Variants in CCNL2 observed in about 807,000 individuals in gnomAD.
CCNL2 encodes cyclin L2.
Under a neutral mutation model 59.1 loss-of-function variants are expected in CCNL2, and 28 were observed. The ratio of observed to expected loss-of-function variants is 0.47; its 90% confidence interval spans 0.35 to 0.65. The LOEUF is 0.65. Ranked by LOEUF, CCNL2 falls within the 30% of genes least tolerant of loss-of-function variation. The pLI is 0.00. For missense variants in CCNL2, 714 were observed against 717.4 expected (o/e 1.00, Z 0.05); for synonymous variants, 342 against 288.6 (o/e 1.19, Z -1.88).
chr1:1,388,134 G>A lies in CCNL2; in HGVS notation c.1007-69C>T, dbSNP rs1644560026. 79 of 1,245,076 alleles carry A rather than the reference G, an allele frequency of 6.3e-5. No homozygotes were observed. In the South Asian group the frequency reaches 9.2e-4, roughly 14 times the overall value. The allele number at this position is 1,245,076 out of a possible 1,614,324, so 77.1% of individuals were successfully genotyped here. A position where few individuals can be genotyped will look rare whatever the true frequency, so the allele number is the denominator to read the frequency against. On this transcript the variant is annotated intron_variant, in intron 8 of 10. Coordinates refer to ENST00000400809, the MANE Select transcript of CCNL2 (RefSeq NM_030937.6). ...TCCCAATAAGAAACAAGTTCGTAGA[G>A]CGAGATAAGGCCCCTCTACAGGTCA...
intron 3 of CCNL2, among the ~76,000 whole-genome samples, chr1:1,397,225 G>A (rs147631292): frequency 4.6e-5 from 7 of 152,234 alleles, no homozygotes; most frequent in Non-Finnish European, 5.9e-5. Flanking sequence ...TAAACCCTGG[G>A]CTAAGGTCAG....
chr1:1,397,725 A>G (rs1377705301), intron 3 of CCNL2, among the ~76,000 whole-genome samples: 2 of 152,174 alleles, frequency 1.3e-5, no homozygotes, highest in African/African-American at 4.8e-5. Context: ...ATTAGCTGGC[A>G]TGGTTGGCGT....
intron 5 of CCNL2, chr1:1,391,350 C>G (rs1644750935): frequency 7.7e-6 from 9 of 1,162,482 alleles, no homozygotes; most frequent in South Asian, 5.4e-5. Flanking sequence ...GACAAGCCAT[C>G]CTCTTGGGTT....
In CCNL2 at chr1:1,398,324, C is replaced by T. The variant is rs200639469; in HGVS notation, c.382G>A (p.Val128Ile). The T allele has an allele frequency of 6.2e-7, 1 of 1,614,192 alleles. No individual in the cohort carries two copies. Among genetic ancestry groups the T allele is most frequent in the East Asian group, 2.2e-5 (1 of 44,894 alleles). Residue 128 changes from valine (V) to isoleucine (I), a missense_variant, in exon 3 of 11, where the codon GTC becomes ATC. Val to Ile is a conservative substitution (Grantham distance 29). This residue lies in a region of CCNL2 where 270 missense variants were observed against 254.9 expected (regional missense o/e 1.06). Transcript: ENST00000400809. ...TCTTCTATCTTGGAAGCCAGGTGGA[C>T]ACAGGCCATTGACACATGCTGAAGC... ...HSMEHVSMACVHLASKIEEAP... is the reference protein window; with the variant it reads ...HSMEHVSMACIHLASKIEEAP...
chr1:1,391,217 T>C, intron 5 of CCNL2: 1 of 1,106,678 alleles, frequency 9.0e-7, no homozygotes, highest in Non-Finnish European at 1.1e-6. Flanking sequence ...AGAAAGAAAA[T>C]GTCTACTGGA....
In CCNL2 at chr1:1,387,192, A is replaced by C; in HGVS notation, c.*39T>G. The stretch of plus-strand genomic sequence containing the variant: ...AAAGGGCAGCCATCAGGTACTCCCC[A>C]GGGAAGGGCTTGCGGCCACCAGTCA... On this transcript the variant is annotated 3_prime_UTR_variant, in exon 11 of 11. Coordinates refer to ENST00000400809, the MANE Select transcript of CCNL2 (RefSeq NM_030937.6). The C allele has an allele frequency of 6.5e-7, 1 of 1,548,058 alleles. No homozygotes were observed. Among genetic ancestry groups the C allele is most frequent in the Non-Finnish European group, 8.8e-7 (1 of 1,140,508 alleles).
chr1:1,398,973 C>T (rs748358876), intron 1 of CCNL2, 46 bp downstream of exon 1: 1 of 1,530,776 alleles, frequency 6.5e-7, no homozygotes, highest in Middle Eastern at 2.1e-4. Context: ...AGGCGGCTGC[C>T]GCCCCAGCGG....
At chr1:1,393,112 T>C (rs1644837221) in intron 5 of CCNL2, 3 of 584,302 alleles carry the variant, frequency 5.1e-6, no homozygotes, top group Admixed American at 3.1e-5. Flanking sequence ...AAGGTCCCCC[T>C]GCGCCAAGTC....
chr1:1,387,436 T>C lies in CCNL2; in HGVS notation c.1358A>G (p.Lys453Arg), dbSNP rs146203556. Residue 453 changes from lysine to arginine, a missense_variant, in exon 11 of 11, where the codon AAG becomes AGG. Physicochemically the swap from Lys to Arg is conservative, Grantham distance 26. Around this residue, in one of 5 missense-constraint regions of CCNL2, gnomAD observed 403 missense variants for 377.7 expected, o/e 1.07. Coordinates refer to ENST00000400809, the MANE Select transcript of CCNL2 (RefSeq NM_030937.6). ...IRGSRKSKDCKYPQKPHKSRS... is the reference protein window; with the variant it reads ...IRGSRKSKDCRYPQKPHKSRS... ...AGACTTGTGTGGCTTCTGGGGGTAC[T>C]TGCAGTCCTTGGACTTCCGGGAGCC... 7 of 1,613,538 alleles carry C rather than the reference T, an allele frequency of 4.3e-6. No homozygotes were observed. Among genetic ancestry groups the C allele is most frequent in the Non-Finnish European group, 5.9e-6 (7 of 1,179,932 alleles).
In CCNL2 at chr1:1,399,154, G is replaced by C; in HGVS notation, c.153C>G (p.Asn51Lys). Residue 51 changes from asparagine (N) to lysine (K), a missense_variant, in exon 1 of 11, where the codon AAC becomes AAG. Physicochemically the swap from Asn to Lys is moderately conservative, Grantham distance 94. Transcript: ENST00000400809. ...LYSGVLITLENCLLPDDKLRF... is the reference protein window; with the variant it reads ...LYSGVLITLEKCLLPDDKLRF... Reference sequence around the variant, plus strand: ...GGAGCTTGTCGTCAGGCAGGAGGCAGTTCTCCAAGGTGATGAGCACCCCGG... The same window carrying C: ...GGAGCTTGTCGTCAGGCAGGAGGCACTTCTCCAAGGTGATGAGCACCCCGG... 1 of 1,612,180 alleles carries C rather than the reference G, an allele frequency of 6.2e-7. No individual in the cohort carries two copies.
At chr1:1,394,205 A>G (rs1399589435) in intron 4 of CCNL2, among the ~76,000 whole-genome samples, 1 of 152,166 alleles carries the variant, frequency 6.6e-6, no homozygotes, top group African/African-American at 2.4e-5. Context: ...CCGAACAAGC[A>G]GATGAGGAAA....
Position 1,386,554 on chromosome 1 carries a change from A to G in CCNL2, c.*677T>C, listed in dbSNP as rs1259973426. The G allele has an allele frequency of 6.6e-6, 1 of 152,618 alleles. No individual in the cohort carries two copies. Among genetic ancestry groups the G allele is most frequent in the Non-Finnish European group, 1.5e-5 (1 of 68,034 alleles). The allele number at this position is 152,618 out of a possible 1,614,324, so 9.5% of individuals were successfully genotyped here. ...TCATACGCGCATATAGGGAACCTCT[A>G]TTTAGGAGCTGGTGGCCTGCACTCA... On this transcript the variant is annotated 3_prime_UTR_variant, in exon 11 of 11. Transcript: ENST00000400809.
At chr1:1,395,598 C>A in intron 3 of CCNL2, 84 bp from the exon 4 acceptor site, 1 of 1,567,164 alleles carries the variant, frequency 6.4e-7, no homozygotes, top group South Asian at 1.1e-5. Context: ...CAACTATGAG[C>A]ACCTAACACA....
intron 5 of CCNL2, 84 bp from the exon 6 acceptor site, chr1:1,390,949 T>C (rs1403119789): frequency 9.4e-6 from 11 of 1,171,902 alleles, no homozygotes; most frequent in Non-Finnish European, 1.4e-5. Context: ...AAAATCTAGA[T>C]AAACGTACTA....
chr1:1,391,611 A>C (rs780696297), intron 5 of CCNL2: 19 of 1,219,476 alleles, frequency 1.6e-5, no homozygotes, highest in Non-Finnish European at 2.1e-5. Context: ...GAAGCAACAC[A>C]ATACTGAGAA....
chr1:1,390,685 A>G, intron 6 of CCNL2, 81 bp downstream of exon 6: 1 of 1,496,042 alleles, frequency 6.7e-7, no homozygotes, highest in South Asian at 1.1e-5. Context: ...GAGTAATTTG[A>G]AGAATAACAC....
intron 8 of CCNL2, chr1:1,388,631 C>A (rs548782415): frequency 1.2e-4 from 48 of 411,958 alleles, no homozygotes; most frequent in South Asian, 8.2e-4. Flanking sequence ...ATTACCTGAG[C>A]GTGGTGGTGG....
Position 1,387,772 on chromosome 1 carries a change from C to CA in CCNL2, c.1211+4dup. ...GGCCTCCTGGGTGCGCCCTGAGGCACACACCTCCTCTTAGGAGACGCTGAT... is the reference window on the plus strand; with the variant it reads ...GGCCTCCTGGGTGCGCCCTGAGGCACAACACCTCCTCTTAGGAGACGCTGAT... On this transcript the variant is annotated splice_donor_region_variant and intron_variant, in intron 10 of 10. Coordinates refer to ENST00000400809, the MANE Select transcript of CCNL2 (RefSeq NM_030937.6). 3 of 1,609,824 alleles carry CA rather than the reference C, an allele frequency of 1.9e-6. No individual in the cohort carries two copies. Among genetic ancestry groups the CA allele is most frequent in the Non-Finnish European group, 2.5e-6 (3 of 1,178,026 alleles).
intron 8 of CCNL2, among the ~76,000 whole-genome samples, chr1:1,389,820 G>A (rs1036036959): frequency 2.0e-5 from 3 of 152,070 alleles, no homozygotes; most frequent in African/African-American, 2.4e-5. Context: ...TTAGCCAGGC[G>A]TGGTGGCGGC....
Sources: gnomAD v4.1 joint callset for allele counts (sites outside exome capture counted in the v4.1 genomes callset) on GRCh38, gnomAD v4.1.1 for gene constraint, gnomAD v4.1.1 regional missense constraint, MANE v1.5 for transcripts, NCBI Gene and HGNC (gene_info 2026-07-23, HGNC 2026-07-21) for gene names.